Variants in KRABD3 observed in about 807,000 individuals in gnomAD.
KRABD3 encodes the protein KRAB domain containing 3, also known as KRAB domain-containing protein 3.
chr7:149,723,828 C>T, the KRABD3 span: 2 of 1,613,964 alleles, frequency 1.2e-6, no homozygotes, highest in Non-Finnish European at 1.7e-6. Flanking sequence ...ATCCCAGTCC[C>T]TCAGGAGTGG....
At chr7:149,722,762 C>T in the KRABD3 span, 1 of 1,585,318 alleles carries the variant, frequency 6.3e-7, no homozygotes, top group South Asian at 1.2e-5. Context: ...CTGACCCAGG[C>T]CCACCTTGCA....
At chr7:149,715,192 A>G in the KRABD3 span, 2 of 1,221,744 alleles carry the variant, frequency 1.6e-6, no homozygotes, top group Non-Finnish European at 2.0e-6. Flanking sequence ...CCTGATGCTC[A>G]GGGGTTCGTG....
the KRABD3 span, chr7:149,719,295 T>C: frequency 2.6e-6 from 1 of 383,416 alleles, no homozygotes; most frequent in Admixed American, 4.4e-5. This position sits in a 1 kb window ranked among gnomAD's most constrained non-coding sequence, Gnocchi z 5.6. Context: ...TCTTAAGTAA[T>C]TCCATCTGCA....
chr7:149,730,692 C>A, the KRABD3 span: 1 of 1,251,470 alleles, frequency 8.0e-7, no homozygotes, highest in Non-Finnish European at 1.1e-6. Flanking sequence ...TGCACATTGG[C>A]CGTGCTTTAG....
the KRABD3 span, chr7:149,729,965 G>A: frequency 1.5e-6 from 2 of 1,294,500 alleles, no homozygotes; most frequent in Non-Finnish European, 2.0e-6. Context: ...GTCCTGGCCA[G>A]GCTCTGGCTT....
At chr7:149,730,355 G>A in the KRABD3 span, 2 of 1,545,144 alleles carry the variant, frequency 1.3e-6, no homozygotes, top group Non-Finnish European at 1.8e-6. Context: ...AGCCTGTGCG[G>A]AGAGGGAGGA....
the KRABD3 span, chr7:149,726,085 G>GCCCA: frequency 6.3e-7 from 1 of 1,593,814 alleles, no homozygotes; most frequent in Non-Finnish European, 8.5e-7. Flanking sequence ...CCCGAGGCTG[G>GCCCA]GGTTCATCCT....
chr7:149,724,554 G>A, the KRABD3 span: 43 of 849,008 alleles, frequency 5.1e-5, no homozygotes, highest in Non-Finnish European at 6.9e-5. Context: ...GAGGCACAGG[G>A]GCTTTGGAAG....
chr7:149,722,302 A>G, the KRABD3 span: 6 of 1,408,970 alleles, frequency 4.3e-6, no homozygotes, highest in Non-Finnish European at 5.8e-6. Context: ...CCCTCAGCCC[A>G]CCTCGAACAG....
At chr7:149,727,858 G>A in the KRABD3 span, among the ~76,000 whole-genome samples, 1 of 152,160 alleles carries the variant, frequency 6.6e-6, no homozygotes, top group Non-Finnish European at 1.5e-5. Context: ...TGGAAGGGCT[G>A]GTCTCTGCCC....
the KRABD3 span, chr7:149,719,573 G>C: frequency 6.9e-5 from 110 of 1,602,404 alleles, no homozygotes; most frequent in Non-Finnish European, 8.8e-5. This position sits in a 1 kb window ranked among gnomAD's most constrained non-coding sequence, Gnocchi z 5.6. Context: ...GGACTTGGCC[G>C]TGCGGTTCTC....
the KRABD3 span, chr7:149,729,579 A>G: frequency 1.0e-6 from 1 of 985,436 alleles, no homozygotes; most frequent in Non-Finnish European, 1.2e-6. Context: ...GGTCGGGAAG[A>G]TCATTGTTTG....
the KRABD3 span, chr7:149,730,187 C>T: frequency 1.5e-3 from 2,341 of 1,571,818 alleles, 28 homozygotes; most frequent in South Asian, 0.013. Flanking sequence ...GCCTGGAGAG[C>T]GCCCTGAGGG....
At chr7:149,719,460 C>G in the KRABD3 span, 1 of 1,418,384 alleles carries the variant, frequency 7.1e-7, no homozygotes, top group Non-Finnish European at 9.4e-7. The surrounding 1 kb of genome is among the most constrained non-coding windows in gnomAD (Gnocchi z 5.6). Flanking sequence ...CGCCTGGAGG[C>G]CTAGGTGGGG....
chr7:149,722,969 G>T, the KRABD3 span: 1 of 1,554,934 alleles, frequency 6.4e-7, no homozygotes, highest in African/African-American at 1.4e-5. Context: ...GAGTTCTGGG[G>T]CCTCAGGCTG....
At chr7:149,733,946 C>G in the KRABD3 span, 2 of 1,598,860 alleles carry the variant, frequency 1.3e-6, no homozygotes, top group Non-Finnish European at 1.7e-6. Context: ...GATCCCAGAG[C>G]GGCCCAAGGA....
the KRABD3 span, chr7:149,714,991 C>G: frequency 4.2e-6 from 5 of 1,203,360 alleles, no homozygotes; most frequent in South Asian, 1.3e-4. Flanking sequence ...CGACGAGGGT[C>G]GCGTGCGCCC....
the KRABD3 span, among the ~76,000 whole-genome samples, chr7:149,731,239 C>T: frequency 6.6e-6 from 1 of 152,334 alleles, no homozygotes; most frequent in African/African-American, 2.4e-5. Context: ...CTCCCCAACT[C>T]CTGCAGCTGG....
At chr7:149,733,566 A>G in the KRABD3 span, 1 of 1,600,892 alleles carries the variant, frequency 6.2e-7, no homozygotes, top group Non-Finnish European at 8.5e-7. Context: ...GGTCACAGAC[A>G]TCTGCCCTAC....
Sources: allele counts gnomAD v4.1 joint callset (sites outside exome capture counted in the v4.1 genomes callset), GRCh38; gene constraint gnomAD v4.1.1; non-coding constraint Gnocchi (gnomAD v3.1); transcripts MANE v1.5; gene names NCBI Gene and HGNC (gene_info 2026-07-23, HGNC 2026-07-21).